Variants in MMRN1 observed in about 807,000 individuals in gnomAD.
MMRN1 encodes multimerin 1, also known as multimerin-1.
Under a neutral mutation model 100.7 loss-of-function variants are expected in MMRN1, and 94 were observed. The ratio of observed to expected loss-of-function variants is 0.93; its 90% CI spans 0.79 to 1.11. The LOEUF is 1.11. Ranked by LOEUF, MMRN1 falls within the 50% of genes least tolerant of loss-of-function variation. The pLI is 0.00. For missense variants in MMRN1, 1,606 were observed against 1,439.1 expected (o/e 1.12, Z -1.88); for synonymous variants, 575 against 505.0 (o/e 1.14, Z -1.86).
intron 1 of MMRN1, among the ~76,000 whole-genome samples, chr4:89,883,466 A>G (rs1442822148): frequency 6.6e-6 from 1 of 152,008 alleles, no homozygotes; most frequent in Non-Finnish European, 1.5e-5. Context: ...GTGTAGTTTT[A>G]GTTGCTTTGT....
At chr4:89,910,931 T>C (rs12640973) in intron 2 of MMRN1, among the ~76,000 whole-genome samples, 12,427 of 151,372 alleles carry the variant, frequency 0.082, 930 homozygotes, top group East Asian at 0.3. Context: ...TCCATATAGT[T>C]GTACGTGGCA....
chr4:89,898,037 T>C (rs1426448695), intron 1 of MMRN1, among the ~76,000 whole-genome samples: 1 of 152,164 alleles, frequency 6.6e-6, no homozygotes, highest in Non-Finnish European at 1.5e-5. Flanking sequence ...GGTTTTCTTT[T>C]AGTAATCCTT....
At chr4:89,922,085 T>G (rs967609804) in intron 3 of MMRN1, among the ~76,000 whole-genome samples, 1 of 152,104 alleles carries the variant, frequency 6.6e-6, no homozygotes, top group African/African-American at 2.4e-5. Context: ...ATTTTATTTA[T>G]TTTTATTTTA....
intron 1 of MMRN1, among the ~76,000 whole-genome samples, chr4:89,899,092 A>G (rs147880377): frequency 1.1e-3 from 165 of 152,222 alleles, no homozygotes; most frequent in Non-Finnish European, 1.8e-3. Context: ...TTTTTCTACC[A>G]TTCTTGGAAT....
intron 2 of MMRN1, among the ~76,000 whole-genome samples, chr4:89,910,843 G>A (rs1235512856): frequency 2.6e-5 from 4 of 151,278 alleles, no homozygotes; most frequent in Non-Finnish European, 5.9e-5. Flanking sequence ...AAACTGAAAC[G>A]TAAGTCTCTA....
chr4:89,921,263 TAA>T (rs1722079225), intron 3 of MMRN1, among the ~76,000 whole-genome samples: 1 of 152,132 alleles, frequency 6.6e-6, no homozygotes. Context: ...TAAATATTTA[TAA>T]GTTAGTATCC....
At chr4:89,900,684 A>G (rs1414926557) in intron 1 of MMRN1, among the ~76,000 whole-genome samples, 2 of 152,076 alleles carry the variant, frequency 1.3e-5, no homozygotes, top group Non-Finnish European at 1.5e-5. Flanking sequence ...GCATAGAAAG[A>G]GCTCAATAAA....
Position 89,889,189 on chromosome 4 carries a change from G to A in MMRN1, c.-248-5535G>A, listed in dbSNP as rs113997642. On this transcript the variant is annotated intron_variant, in intron 1 of 8. Coordinates refer to the MMRN1 transcript ENST00000394980. ...CACGCTCTTAAAATACTTTGAGGAC[G>A]TGATAAGGATTTTCCTTTCAACTAA... is the stretch of plus-strand genomic sequence containing the variant. Among the ~76,000 whole-genome samples, 639 of 152,236 alleles carry A rather than the reference G, an allele frequency of 4.2e-3. 1 individual carries two copies. The highest frequency in any genetic ancestry group is 7.5e-3 in the Non-Finnish European group (511 of 67,994).
At chr4:89,920,125 T>C (rs1175287837) in intron 3 of MMRN1, among the ~76,000 whole-genome samples, 1 of 152,182 alleles carries the variant, frequency 6.6e-6, no homozygotes, top group African/African-American at 2.4e-5. Context: ...TGTAATTAGT[T>C]AATATTATAA....
chr4:89,948,043 G>A (rs1038739860), intron 6 of MMRN1, among the ~76,000 whole-genome samples: 2 of 152,026 alleles, frequency 1.3e-5, no homozygotes, highest in African/African-American at 2.4e-5. Context: ...GTAGAGATGG[G>A]GTTTCACCAT....
At chr4:89,940,968 T>C (rs188900721) in intron 6 of MMRN1, among the ~76,000 whole-genome samples, 1 of 152,196 alleles carries the variant, frequency 6.6e-6, no homozygotes. Context: ...CAATGATAAA[T>C]CAAAAAGAAT....
intron 3 of MMRN1, among the ~76,000 whole-genome samples, chr4:89,922,486 T>C (rs929513893): frequency 6.6e-6 from 1 of 152,214 alleles, no homozygotes; most frequent in African/African-American, 2.4e-5. Context: ...AAATATTATT[T>C]GATTCATGGG....
At chr4:89,947,801 G>A (rs1015621969) in intron 6 of MMRN1, among the ~76,000 whole-genome samples, 4 of 152,098 alleles carry the variant, frequency 2.6e-5, no homozygotes, top group Admixed American at 6.6e-5. Context: ...TTTTTTAAGC[G>A]TTTTAATAAT....
rs751806264 is a variant in MMRN1 at position 89,923,173 on chromosome 4, G to A, written c.856G>A (p.Glu286Lys). 70 of 1,613,594 alleles carry A rather than the reference G, an allele frequency of 4.3e-5. No homozygotes were observed. The South Asian group carries it at 7.3e-4, about 17-fold the overall frequency. Residue 286 changes from glutamate (E) to lysine (K), a missense_variant, in exon 4 of 8, where the codon GAA becomes AAA. Glu to Lys is a moderately conservative substitution (Grantham distance 56). Transcript: ENST00000264790. ...SGPKCQLRAQ[E>K]QQSLIHTNQA... ...CTCTTTCTGCTTCCTTCTAGCCCAG[G>A]AACAGCAAAGTTTGATACACACCAA...
At chr4:89,908,335 A>T (rs1379427105) in intron 1 of MMRN1, among the ~76,000 whole-genome samples, 1 of 151,474 alleles carries the variant, frequency 6.6e-6, no homozygotes. Flanking sequence ...TAGTTTATAT[A>T]GCCAGGGACA....
At chr4:89,932,730 C>A (rs1421330043) in intron 5 of MMRN1, among the ~76,000 whole-genome samples, 2 of 152,112 alleles carry the variant, frequency 1.3e-5, no homozygotes, top group Non-Finnish European at 2.9e-5. Flanking sequence ...CACAGAGCAC[C>A]AAGCCTTGAA....
In MMRN1 at chr4:89,886,121, G is replaced by A. The variant is rs906776077; in HGVS notation, c.-249+6519G>A. ...TCCCATGCTGGTCTCAAACTCCTGA[G>A]CTCAGACAATCCGCCTGCCTCAGCC... On this transcript the variant is annotated intron_variant, in intron 1 of 8. Coordinates refer to the MMRN1 transcript ENST00000394980. Among the ~76,000 whole-genome samples the A allele has an allele frequency of 4.0e-5, 6 of 149,006 alleles. No individual in the cohort carries two copies. In the South Asian group the frequency reaches 1.1e-3, roughly 26 times the overall value.
In MMRN1 at chr4:89,934,892, G is replaced by A. The variant is rs570857543; in HGVS notation, c.1212G>A (p.Glu404=). 1 of 1,604,558 alleles carries A rather than the reference G, an allele frequency of 6.2e-7. No homozygotes were observed. Among genetic ancestry groups the A allele is most frequent in the Admixed American group, 1.7e-5 (1 of 57,612 alleles). ...QFKIFQNDMQ[E]TVAQLFKTVS... is the part of the protein sequence containing the mutation. Reference sequence around the variant, plus strand: ...AAATTTTTCAAAATGACATGCAAGAGACTGTAGCACAGCTCTTCAAGACTG... The same window carrying A: ...AAATTTTTCAAAATGACATGCAAGAAACTGTAGCACAGCTCTTCAAGACTG... Residue 404 remains glutamate, a synonymous_variant, in exon 6 of 8, where the codon GAG becomes GAA. Transcript: ENST00000264790.
intron 6 of MMRN1, among the ~76,000 whole-genome samples, chr4:89,949,813 T>A (rs1316643754): frequency 6.6e-6 from 1 of 152,242 alleles, no homozygotes; most frequent in Non-Finnish European, 1.5e-5. Context: ...TCACATTTTA[T>A]GTGAATTTCA....
Sources: gnomAD v4.1 joint callset for allele counts (sites outside exome capture counted in the v4.1 genomes callset) on GRCh38, gnomAD v4.1.1 for gene constraint, MANE v1.5 for transcripts, NCBI Gene and HGNC (gene_info 2026-07-23, HGNC 2026-07-21) for gene names.